Variants in UGGT2 observed in about 807,000 individuals in gnomAD.
UGGT2 encodes UDP-glucose:glycoprotein glucosyltransferase 2.
UGGT2 carries 180 observed loss-of-function variants against 192.1 expected under a neutral mutation model. The ratio of observed to expected loss-of-function variants is 0.94; its 90% CI spans 0.83 to 1.06. The LOEUF is 1.06. Among genes scored for constraint, UGGT2 ranks in the 50% least tolerant of loss-of-function variants. The pLI is 0.00. For missense variants in UGGT2, 1,849 were observed against 1,795.7 expected, an observed-to-expected ratio of 1.03 and a Z score of -0.54; for synonymous variants, 580 against 591.0, an observed-to-expected ratio of 0.98 and a Z score of 0.27.
intron 2 of UGGT2, among the ~76,000 whole-genome samples, chr13:96,028,354 A>G (rs1054436698): frequency 6.6e-6 from 1 of 152,262 alleles, no homozygotes; most frequent in African/African-American, 2.4e-5. Flanking sequence ...AATAAAATAC[A>G]AAAGCAACTT....
intron 10 of UGGT2, among the ~76,000 whole-genome samples, chr13:95,979,680 A>G (rs1440058184): frequency 6.6e-6 from 1 of 152,040 alleles, no homozygotes; most frequent in Non-Finnish European, 1.5e-5. Context: ...GTATTTAAAG[A>G]CCTTAAATTA....
intron 38 of UGGT2, among the ~76,000 whole-genome samples, chr13:95,832,150 A>T (rs1375940646): frequency 6.6e-6 from 1 of 152,010 alleles, no homozygotes; most frequent in Admixed American, 6.6e-5. Context: ...GAGGAAAATG[A>T]GAACTGTATT....
chr13:95,976,480 T>G (rs2050941366), intron 10 of UGGT2, among the ~76,000 whole-genome samples: 1 of 152,208 alleles, frequency 6.6e-6, no homozygotes, highest in African/African-American at 2.4e-5. Flanking sequence ...TTTTTCATTT[T>G]TTTTGTGAAC....
chr13:96,010,445 T>C (rs1156380775), intron 5 of UGGT2, among the ~76,000 whole-genome samples: 5 of 152,118 alleles, frequency 3.3e-5, no homozygotes, highest in Admixed American at 3.3e-4. Flanking sequence ...CTTCCTCTAA[T>C]ATGACAGTTA....
At chr13:95,824,169 G>A (rs1002679222) in intron 38 of UGGT2, among the ~76,000 whole-genome samples, 9 of 152,018 alleles carry the variant, frequency 5.9e-5, no homozygotes, top group Admixed American at 3.9e-4. Flanking sequence ...GCTGTTAGTC[G>A]GATAGGTTTT....
intron 4 of UGGT2, among the ~76,000 whole-genome samples, chr13:96,019,451 A>C (rs2052449979): frequency 1.3e-5 from 2 of 152,206 alleles, no homozygotes; most frequent in Non-Finnish European, 2.9e-5. Context: ...CCTTTGTCCC[A>C]GGGAGAAACA....
At chr13:95,905,455 T>G (rs911926497) in intron 20 of UGGT2, among the ~76,000 whole-genome samples, 4 of 152,080 alleles carry the variant, frequency 2.6e-5, no homozygotes, top group Non-Finnish European at 5.9e-5. Context: ...CTTTAATCCA[T>G]CTTCAATTGA....
chr13:95,851,406 C>T (rs72636544), intron 36 of UGGT2, among the ~76,000 whole-genome samples: 2,035 of 152,228 alleles, frequency 0.013, 10 homozygotes, highest in Non-Finnish European at 0.021. Flanking sequence ...TGCAAGACTG[C>T]CGCTAGAGAT....
At chr13:96,018,938 T>C (rs1247726822) in intron 4 of UGGT2, among the ~76,000 whole-genome samples, 1 of 150,600 alleles carries the variant, frequency 6.6e-6, no homozygotes, top group Admixed American at 6.6e-5. Flanking sequence ...GAGAAACATA[T>C]CTACAGAGAG....
Position 95,927,028 on chromosome 13 carries a change from C to A in UGGT2, c.2200G>T (p.Asp734Tyr). The A allele has an allele frequency of 6.3e-7, 1 of 1,594,998 alleles. No individual in the cohort carries two copies. Among genetic ancestry groups the A allele is most frequent in the Non-Finnish European group, 8.5e-7 (1 of 1,173,878 alleles). Reference protein sequence around the residue: ...AKNMYYLTQDDESIISAVTLW... With the variant: ...AKNMYYLTQDYESIISAVTLW... ...CAGGTAAATAAAATATGCTTATTAC[C>A]GTCTTGGGTTAAATAATACATGTTC... The change falls in exon 19 of 39, where the codon GAT (aspartate) becomes TAT (tyrosine). Residue 734 changes from aspartate to tyrosine, a missense_variant and splice_region_variant. Physicochemically the swap from Asp to Tyr is radical, Grantham distance 160 (BLOSUM62 -3). Transcript: ENST00000376747.
At chr13:96,044,201 AC>A (rs766774624) in intron 1 of UGGT2, among the ~76,000 whole-genome samples, 2 of 152,194 alleles carry the variant, frequency 1.3e-5, no homozygotes, top group Non-Finnish European at 2.9e-5. Context: ...CTGAAAATCA[AC>A]CCTAAAAGGA....
chr13:95,834,438 A>C (rs1450756689), intron 37 of UGGT2, among the ~76,000 whole-genome samples: 1 of 152,154 alleles, frequency 6.6e-6, no homozygotes, highest in Admixed American at 6.6e-5. Context: ...TGTAACAAAG[A>C]ATTCTCCACT....
Position 95,803,070 on chromosome 13 carries a change from G to A in UGGT2, c.4529-1258C>T, listed in dbSNP as rs556278620. 1.1e-4 allele frequency among the ~76,000 whole-genome samples: 16 copies of A among 152,104 alleles called. No individual in the cohort carries two copies. In the South Asian group the frequency reaches 1.5e-3, roughly 14 times the overall value. On this transcript the variant is annotated intron_variant, in intron 38 of 38. Transcript: ENST00000376747. Reference sequence around the variant, plus strand: ...AGGATGGTCTCGATCTCCTGACCTCGTGATCCGCCCGTCTTGGCCTCCCAA... The same window carrying A: ...AGGATGGTCTCGATCTCCTGACCTCATGATCCGCCCGTCTTGGCCTCCCAA...
chr13:95,952,319 G>A (rs947316533), intron 12 of UGGT2, among the ~76,000 whole-genome samples: 1 of 152,030 alleles, frequency 6.6e-6, no homozygotes, highest in Admixed American at 6.6e-5. Context: ...TAAGATTTTG[G>A]CAAAAGATAT....
intron 36 of UGGT2, among the ~76,000 whole-genome samples, chr13:95,839,686 T>C (rs988848430): frequency 6.6e-6 from 1 of 152,210 alleles, no homozygotes; most frequent in Non-Finnish European, 1.5e-5. Flanking sequence ...ATGTTAACTC[T>C]GTTAAACATT....
intron 36 of UGGT2, 148 bp downstream of exon 36, chr13:95,853,391 TTATG>T (rs1377600129): frequency 2.7e-5 from 15 of 558,482 alleles, no homozygotes; most frequent in Non-Finnish European, 4.3e-5. Flanking sequence ...GGTGAAAAAA[TTATG>T]TATAAGTAGA....
In UGGT2 at chr13:95,986,332, C is replaced by A. The variant is rs768718654; in HGVS notation, c.1031+1G>T. The A allele has an allele frequency of 6.4e-7, 1 of 1,569,378 alleles. No individual in the cohort carries two copies. Among genetic ancestry groups the A allele is most frequent in the Admixed American group, 1.7e-5 (1 of 59,072 alleles). The stretch of plus-strand genomic sequence containing the variant: ...AATGAAACCTATAAACTTTAACATA[C>A]CTGGCTTTTATGGGGAAGTTCTGTG... On this transcript the variant is annotated splice_donor_variant, in intron 9 of 38. Transcript: ENST00000376747. LOFTEE classifies it high-confidence loss of function.
intron 1 of UGGT2, among the ~76,000 whole-genome samples, chr13:96,042,419 A>G (rs1024471111): frequency 6.6e-6 from 1 of 152,180 alleles, no homozygotes; most frequent in Non-Finnish European, 1.5e-5. Context: ...ATGAGAAGGA[A>G]CCAGAAAACC....
At chr13:95,977,847 G>C (rs1486326918) in intron 10 of UGGT2, among the ~76,000 whole-genome samples, 1 of 152,180 alleles carries the variant, frequency 6.6e-6, no homozygotes, top group African/African-American at 2.4e-5. Context: ...GTACACCATG[G>C]AATACTATGC....
Sources: gnomAD v4.1 joint callset for allele counts (sites outside exome capture counted in the v4.1 genomes callset) on GRCh38, gnomAD v4.1.1 for gene constraint, MANE v1.5 for transcripts, NCBI Gene and HGNC (gene_info 2026-07-23, HGNC 2026-07-21) for gene names.